Variants in GALNT13 observed in about 807,000 individuals in gnomAD.
The protein encoded by GALNT13 is polypeptide N-acetylgalactosaminyltransferase 13, also known as UDP-GalNAc:polypeptide N-acetylgalactosaminyltransferase 13.
GALNT13 carries 28 observed loss-of-function variants against 64.2 expected under a neutral mutation model. The observed-to-expected ratio is 0.44, with a 90% CI of 0.32 to 0.60. The LOEUF is 0.60. GALNT13 is among the 20% of genes least tolerant of loss of function. The pLI, the probability that GALNT13 is intolerant of heterozygous loss-of-function variation, is 0.05. For missense variants in GALNT13, 577 were observed against 669.8 expected (o/e 0.86, Z 1.53); for synonymous variants, 214 against 224.6 (o/e 0.95, Z 0.42).
chr2:154,341,644 T>C (rs1056548795), intron 9 of GALNT13, among the ~76,000 whole-genome samples: 3 of 152,026 alleles, frequency 2.0e-5, no homozygotes, highest in African/African-American at 7.2e-5. Context: ...AAGAGGCACA[T>C]AGGCCACTAA....
chr2:154,051,991 AT>A (rs970770291), intron 3 of GALNT13, among the ~76,000 whole-genome samples: 93 of 148,764 alleles, frequency 6.3e-4, no homozygotes, highest in East Asian at 3.0e-3. Flanking sequence ...AAAGTGGTGA[AT>A]TTTTTTTTTT....
At chr2:154,248,363 G>A (rs968813361) in intron 7 of GALNT13, among the ~76,000 whole-genome samples, 4 of 151,790 alleles carry the variant, frequency 2.6e-5, no homozygotes, top group African/African-American at 9.7e-5. Flanking sequence ...TTATAACTAT[G>A]GAATAATATA....
chr2:154,123,907 A>G (rs1222337443), intron 3 of GALNT13, among the ~76,000 whole-genome samples: 3 of 152,112 alleles, frequency 2.0e-5, no homozygotes, highest in South Asian at 4.1e-4. Context: ...CCTTTAGAGT[A>G]CAATGCATAT....
the GALNT13 span, among the ~76,000 whole-genome samples, chr2:153,495,924 A>G: frequency 6.6e-6 from 1 of 152,200 alleles, no homozygotes; most frequent in African/African-American, 2.4e-5. Flanking sequence ...GAGCCAGGAG[A>G]GTAAATATCC....
At chr2:153,263,184 C>G in the GALNT13 span, among the ~76,000 whole-genome samples, 2 of 151,836 alleles carry the variant, frequency 1.3e-5, no homozygotes, top group East Asian at 1.9e-4. Context: ...TATGAATGAC[C>G]TCCCATTCAC....
At chr2:154,380,275 A>G (rs1025876490) in intron 9 of GALNT13, among the ~76,000 whole-genome samples, 2 of 152,046 alleles carry the variant, frequency 1.3e-5, no homozygotes, top group Non-Finnish European at 2.9e-5. Flanking sequence ...CTAGCATATG[A>G]TGCACCTGAA....
the GALNT13 span, among the ~76,000 whole-genome samples, chr2:153,551,351 G>C: frequency 6.6e-6 from 1 of 152,294 alleles, no homozygotes; most frequent in East Asian, 1.9e-4. Flanking sequence ...TGGAGCTGAG[G>C]AGTGACATGA....
the GALNT13 span, among the ~76,000 whole-genome samples, chr2:153,740,434 T>C: frequency 6.6e-6 from 1 of 152,116 alleles, no homozygotes; most frequent in Admixed American, 6.6e-5. Flanking sequence ...ATATTTCTAC[T>C]CATAACTTGA....
rs532445273 is a variant in GALNT13, at chr2:153,890,821, TA to T, written c.-176-10112del. On this transcript the variant is annotated intron_variant, in intron 1 of 12. Coordinates refer to ENST00000392825, the MANE Select transcript of GALNT13 (RefSeq NM_052917.4). Reference sequence around the variant, plus strand: ...GACTGACCTTGCCGTTTAGAGCTGTTAAACCTGAATAGAGCAGAGCTTTTCT... The same window carrying T: ...GACTGACCTTGCCGTTTAGAGCTGTTAACCTGAATAGAGCAGAGCTTTTCT... 1.6e-4 allele frequency among the ~76,000 whole-genome samples: 24 copies of T among 152,164 alleles called. No individual in the cohort carries two copies. The South Asian group carries it at 4.1e-3, about 26-fold the overall frequency.
the GALNT13 span, among the ~76,000 whole-genome samples, chr2:153,837,511 C>T: frequency 1.3e-5 from 2 of 151,968 alleles, no homozygotes; most frequent in Non-Finnish European, 2.9e-5. Context: ...CAGTATTTGC[C>T]TTTCTGTTTC....
intron 1 of GALNT13, among the ~76,000 whole-genome samples, chr2:153,884,575 TA>T (rs1183265983): frequency 1.6e-4 from 24 of 151,580 alleles, no homozygotes; most frequent in African/African-American, 5.8e-4. Flanking sequence ...TTAGTCCTGA[TA>T]AAGCCATTAA....
chr2:153,082,576 TATATATATATATATA>T, the GALNT13 span, among the ~76,000 whole-genome samples: 1 of 23,370 alleles, frequency 4.3e-5, no homozygotes, highest in Non-Finnish European at 7.0e-5. Flanking sequence ...GGCTGGTTTA[TATATATATATATATA>T]TATATATATA....
chr2:154,290,800 G>C (rs976771576), intron 8 of GALNT13, among the ~76,000 whole-genome samples: 12 of 152,106 alleles, frequency 7.9e-5, no homozygotes, highest in African/African-American at 2.9e-4. Flanking sequence ...GACGTGTCTA[G>C]AGTTTCCTCC....
the GALNT13 span, among the ~76,000 whole-genome samples, chr2:153,673,316 A>G: frequency 1.3e-5 from 2 of 152,212 alleles, no homozygotes; most frequent in Admixed American, 6.5e-5. Context: ...TCAATAAAAT[A>G]CTGGCAAAAC....
chr2:153,920,766 G>T (rs1193766124), intron 2 of GALNT13, among the ~76,000 whole-genome samples: 2 of 152,022 alleles, frequency 1.3e-5, no homozygotes, highest in Non-Finnish European at 2.9e-5. Flanking sequence ...AATCTTTGAG[G>T]AACTTAAGTG....
At chr2:153,922,945 G>A (rs1254535287) in intron 2 of GALNT13, among the ~76,000 whole-genome samples, 2 of 151,730 alleles carry the variant, frequency 1.3e-5, no homozygotes, top group African/African-American at 4.8e-5. Flanking sequence ...TGTCACCCAG[G>A]CTGGAGTGCA....
At chr2:154,004,828 A>G (rs999156788) in intron 3 of GALNT13, among the ~76,000 whole-genome samples, 2 of 152,210 alleles carry the variant, frequency 1.3e-5, no homozygotes, top group South Asian at 2.1e-4. Flanking sequence ...TCTTTACACA[A>G]TGCTAAACAA....
chr2:153,109,161 C>T, the GALNT13 span, among the ~76,000 whole-genome samples: 1 of 152,192 alleles, frequency 6.6e-6, no homozygotes, highest in East Asian at 1.9e-4. Context: ...GTTGGTAATT[C>T]ACGTATGTCA....
At chr2:153,227,107 T>A in the GALNT13 span, among the ~76,000 whole-genome samples, 1 of 152,196 alleles carries the variant, frequency 6.6e-6, no homozygotes, top group Non-Finnish European at 1.5e-5. Flanking sequence ...TGTCAAAATG[T>A]TGGGCTAATT....
Sources: gnomAD v4.1 joint callset for allele counts (sites outside exome capture counted in the v4.1 genomes callset) on GRCh38, gnomAD v4.1.1 for gene constraint, MANE v1.5 for transcripts, NCBI Gene and HGNC (gene_info 2026-07-23, HGNC 2026-07-21) for gene names.